FAM117B: variants seen among roughly 807,000 people sequenced by gnomAD.
FAM117B encodes family with sequence similarity 117 member B.
A neutral mutation model predicts 52.8 loss-of-function variants in FAM117B; 22 were observed. The ratio of observed to expected loss-of-function variants is 0.42; its 90% CI spans 0.30 to 0.59. The LOEUF (loss-of-function observed/expected upper bound fraction) is 0.59. Among genes scored for constraint, FAM117B ranks in the 20% least tolerant of loss-of-function variants. FAM117B has a pLI of 0.22. For missense variants in FAM117B, 678 were observed against 802.6 expected, an observed-to-expected ratio of 0.84 and a Z score of 1.88; for synonymous variants, 309 against 324.1, an observed-to-expected ratio of 0.95 and a Z score of 0.50.
At chr2:202,753,222 A>G (rs1691752365) in intron 4 of FAM117B, among the ~76,000 whole-genome samples, 1 of 152,202 alleles carries the variant, frequency 6.6e-6, no homozygotes, top group African/African-American at 2.4e-5. Flanking sequence ...CCACACATCT[A>G]CAACCATCTG....
intron 1 of FAM117B, among the ~76,000 whole-genome samples, chr2:202,651,060 CTTTTTTTTT>C (rs138809054): frequency 1.6e-5 from 2 of 124,218 alleles, no homozygotes; most frequent in Admixed American, 1.6e-4. Context: ...ATTTGCCATT[CTTTTTTTTT>C]TTTTTTTTTT....
intron 1 of FAM117B, among the ~76,000 whole-genome samples, chr2:202,654,431 A>G (rs1012335657): frequency 7.2e-5 from 11 of 152,114 alleles, no homozygotes; most frequent in African/African-American, 2.7e-4. Context: ...TTGTTTATGA[A>G]GGTTGTACTG....
In FAM117B at chr2:202,755,688, GATCTTGT is replaced by G; in HGVS notation, c.1104+13_1104+19del. 6.2e-7 allele frequency: 1 copy of G among 1,608,322 alleles called. No individual in the cohort carries two copies. The highest frequency in any genetic ancestry group is 8.5e-7 in the Non-Finnish European group (1 of 1,177,042). On this transcript the variant is annotated splice_region_variant and intron_variant, in intron 5 of 7. Transcript: ENST00000392238. ...AAAGGAAGAGCAACTTATAGTAAGT[GATCTTGT>G]ATCTTAAAATCATTCTTGAACTCTT...
intron 1 of FAM117B, among the ~76,000 whole-genome samples, chr2:202,679,772 A>T (rs1004991493): frequency 6.6e-6 from 1 of 152,238 alleles, no homozygotes; most frequent in East Asian, 1.9e-4. Context: ...ATCTTTCAAG[A>T]ATGATAACAA....
At chr2:202,751,100 G>A (rs773972152) in intron 4 of FAM117B, among the ~76,000 whole-genome samples, 4 of 152,128 alleles carry the variant, frequency 2.6e-5, no homozygotes, top group Non-Finnish European at 5.9e-5. Flanking sequence ...CTAAACCCTT[G>A]AAGACATATA....
intron 4 of FAM117B, among the ~76,000 whole-genome samples, chr2:202,736,566 G>C (rs926920882): frequency 6.6e-6 from 1 of 152,134 alleles, no homozygotes; most frequent in Non-Finnish European, 1.5e-5. Context: ...TTCGAGACCA[G>C]CCTGGGCAAC....
At chr2:202,664,838 A>G (rs548708512) in intron 1 of FAM117B, among the ~76,000 whole-genome samples, 1 of 152,290 alleles carries the variant, frequency 6.6e-6, no homozygotes, top group East Asian at 1.9e-4. Context: ...TTAGTTTTCT[A>G]TTGATATGTG....
chr2:202,661,016 T>C (rs905447791), intron 1 of FAM117B, among the ~76,000 whole-genome samples: 4 of 152,214 alleles, frequency 2.6e-5, no homozygotes, highest in Non-Finnish European at 1.5e-5. Context: ...AAAGTGTTTC[T>C]CCTGGACTTT....
intron 2 of FAM117B, among the ~76,000 whole-genome samples, chr2:202,720,400 C>CGT (rs547237672): frequency 0.048 from 6,559 of 136,684 alleles, 353 homozygotes; most frequent in African/African-American, 0.13. Context: ...CTTTACCTGT[C>CGT]GTGTGTGTGT....
intron 2 of FAM117B, among the ~76,000 whole-genome samples, chr2:202,704,329 G>A (rs1690841689): frequency 6.6e-6 from 1 of 152,218 alleles, no homozygotes; most frequent in African/African-American, 2.4e-5. Flanking sequence ...AGGATGGAAT[G>A]TAGGTTTTAT....
intron 1 of FAM117B, among the ~76,000 whole-genome samples, chr2:202,667,742 G>A (rs1690227781): frequency 6.6e-6 from 1 of 152,034 alleles, no homozygotes; most frequent in Admixed American, 6.6e-5. Context: ...TCAAGTTGAA[G>A]TAGTATGCTG....
intron 2 of FAM117B, among the ~76,000 whole-genome samples, chr2:202,704,244 C>T (rs1425259494): frequency 6.6e-6 from 1 of 152,080 alleles, no homozygotes; most frequent in Non-Finnish European, 1.5e-5. Flanking sequence ...GTATCTGGCA[C>T]CTAGTAAGCA....
Position 202,714,528 on chromosome 2 carries a change from T to C in FAM117B, c.754-10389T>C, listed in dbSNP as rs548079465. ...ATATTTACAGTTGTTATATCTTTTT[T>C]TTTTCTTTTTTTTTTTTTTTTTATT... On this transcript the variant is annotated intron_variant, in intron 2 of 7. Coordinates refer to ENST00000392238, the MANE Select transcript of FAM117B (RefSeq NM_173511.4). Among the ~76,000 whole-genome samples, 127 of 139,744 alleles carry C rather than the reference T, an allele frequency of 9.1e-4. 1 individual carries two copies. Among genetic ancestry groups the C allele is most frequent in the Non-Finnish European group, 1.5e-3 (93 of 63,816 alleles). 91.7% of individuals were successfully genotyped at this position (139,744 alleles called of 152,430 possible).
At position 202,744,590 on chromosome 2, in the gene FAM117B, G is replaced by A. The variant is rs573081101; in HGVS notation, c.961-10948G>A. On this transcript the variant is annotated intron_variant, in intron 4 of 7. Coordinates refer to ENST00000392238, the MANE Select transcript of FAM117B (RefSeq NM_173511.4). ...TTTTCAGCCAAAACTTTACAGGCCA[G>A]GAGAGAATGGGATGATATATTCAAA... 6.6e-5 allele frequency among the ~76,000 whole-genome samples: 10 copies of A among 152,176 alleles called. No individual in the cohort carries two copies. In the East Asian group the frequency reaches 1.9e-3, roughly 29 times the overall value.
intron 2 of FAM117B, among the ~76,000 whole-genome samples, chr2:202,702,744 G>T (rs1329659506): frequency 6.6e-6 from 1 of 152,006 alleles, no homozygotes; most frequent in Non-Finnish European, 1.5e-5. Context: ...TAGTAGAGAC[G>T]GGGTTTCACT....
chr2:202,730,531 G>A (rs551484436), intron 4 of FAM117B, among the ~76,000 whole-genome samples: 78 of 152,176 alleles, frequency 5.1e-4, no homozygotes, highest in African/African-American at 1.7e-3. Context: ...TAAGCTAGGC[G>A]TGGTGCCGCG....
At chr2:202,640,862 C>A (rs1321972297) in intron 1 of FAM117B, among the ~76,000 whole-genome samples, 1 of 152,166 alleles carries the variant, frequency 6.6e-6, no homozygotes. Flanking sequence ...CTGCCTGCCT[C>A]AGCCCCCCAA....
intron 4 of FAM117B, among the ~76,000 whole-genome samples, chr2:202,736,950 A>C (rs1208302376): frequency 6.6e-6 from 1 of 152,092 alleles, no homozygotes; most frequent in Non-Finnish European, 1.5e-5. Context: ...TCCCCTACTC[A>C]GCTACTGCTT....
intron 6 of FAM117B, 51 bp downstream of exon 6, chr2:202,757,489 T>C (rs1167472447): frequency 6.6e-7 from 1 of 1,519,942 alleles, no homozygotes; most frequent in Non-Finnish European, 9.1e-7. Flanking sequence ...TACCTCCTCT[T>C]GTATCATTCA....
Sources: allele counts gnomAD v4.1 joint callset (sites outside exome capture counted in the v4.1 genomes callset), GRCh38; gene constraint gnomAD v4.1.1; transcripts MANE v1.5; gene names NCBI Gene and HGNC (gene_info 2026-07-23, HGNC 2026-07-21).